The following PATJ variants were observed in gnomAD, a reference collection of about 807,000 sequenced individuals.
PATJ encodes PATJ crumbs cell polarity complex component, also known as inaD-like protein.
In PATJ, 190 loss-of-function variants were observed where a neutral mutation model predicts 224.9. The ratio of observed to expected loss-of-function variants is 0.84; its 90% confidence interval spans 0.75 to 0.95. The LOEUF (loss-of-function observed/expected upper bound fraction) is 0.95. Among genes scored for constraint, PATJ ranks in the 40% least tolerant of loss-of-function variants. The pLI is 0.00. For missense variants in PATJ, 2,121 were observed against 2,270.3 expected (o/e 0.93, Z 1.34); for synonymous variants, 769 against 820.3 (o/e 0.94, Z 1.07).
intron 8 of PATJ, among the ~76,000 whole-genome samples, chr1:61,789,944 A>C (rs745663035): frequency 1.3e-5 from 2 of 152,226 alleles, no homozygotes; most frequent in African/African-American, 4.8e-5. Context: ...GATCCAATCA[A>C]TTATTTACTT....
chr1:62,076,924 A>C (rs1469729052), intron 31 of PATJ, among the ~76,000 whole-genome samples: 1 of 152,210 alleles, frequency 6.6e-6, no homozygotes, highest in African/African-American at 2.4e-5. Flanking sequence ...TCTCTTTAGC[A>C]TAAGAGTCTG....
chr1:62,043,446 G>A (rs1422714237), intron 30 of PATJ, among the ~76,000 whole-genome samples: 11 of 152,028 alleles, frequency 7.2e-5, no homozygotes, highest in Admixed American at 7.2e-4. Context: ...CATTTAAAAT[G>A]GGTTTGATAA....
At chr1:62,066,722 C>T (rs913928807) in intron 31 of PATJ, among the ~76,000 whole-genome samples, 1 of 152,150 alleles carries the variant, frequency 6.6e-6, no homozygotes, top group African/African-American at 2.4e-5. Context: ...TTAATTGACG[C>T]AAGACCAGCC....
chr1:61,946,689 A>ACT (rs1678773729), intron 27 of PATJ, among the ~76,000 whole-genome samples: 1 of 152,200 alleles, frequency 6.6e-6, no homozygotes, highest in Non-Finnish European at 1.5e-5. Context: ...TCCATAGAAA[A>ACT]AGAGGGAATC....
At chr1:61,977,821 T>A (rs1158492926) in intron 27 of PATJ, among the ~76,000 whole-genome samples, 1 of 151,144 alleles carries the variant, frequency 6.6e-6, no homozygotes. Flanking sequence ...TGAGGCTTAG[T>A]ACACTATGAT....
chr1:61,923,211 C>A (rs959660581), intron 26 of PATJ, among the ~76,000 whole-genome samples: 4 of 152,188 alleles, frequency 2.6e-5, no homozygotes, highest in Admixed American at 6.5e-5. Context: ...ATCTTCATTA[C>A]AGATGGTCTT....
chr1:61,769,741 G>T (rs1009510942), intron 5 of PATJ, among the ~76,000 whole-genome samples: 4 of 152,154 alleles, frequency 2.6e-5, no homozygotes, highest in Admixed American at 2.0e-4. Flanking sequence ...TGCAAAGCTA[G>T]TGCGCTATTT....
At chr1:61,930,954 C>T (rs1282866200) in intron 27 of PATJ, among the ~76,000 whole-genome samples, 2 of 152,210 alleles carry the variant, frequency 1.3e-5, no homozygotes, top group Non-Finnish European at 2.9e-5. Context: ...CCGCCCGCCT[C>T]GACCTCCCAA....
At chr1:61,989,784 G>A (rs1644960269) in intron 27 of PATJ, among the ~76,000 whole-genome samples, 1 of 152,182 alleles carries the variant, frequency 6.6e-6, no homozygotes, top group Non-Finnish European at 1.5e-5. Context: ...GGTCTTATGG[G>A]TGAGTTAAAC....
At chr1:61,873,887 A>G (rs1666996564) in intron 20 of PATJ, among the ~76,000 whole-genome samples, 1 of 152,208 alleles carries the variant, frequency 6.6e-6, no homozygotes, top group Non-Finnish European at 1.5e-5. Context: ...TGGCCTCTTC[A>G]GCTGCTGTGG....
intron 18 of PATJ, among the ~76,000 whole-genome samples, chr1:61,860,213 A>G (rs72674681): frequency 0.014 from 2,067 of 152,112 alleles, 26 homozygotes; most frequent in Non-Finnish European, 0.019. Flanking sequence ...AATGAATGAA[A>G]TGACTTATTT....
intron 9 of PATJ, among the ~76,000 whole-genome samples, chr1:61,792,999 A>T (rs1436784687): frequency 6.6e-6 from 1 of 152,176 alleles, no homozygotes; most frequent in Non-Finnish European, 1.5e-5. Context: ...AGGGTAGAAA[A>T]ATGAATAAGA....
intron 31 of PATJ, among the ~76,000 whole-genome samples, chr1:62,057,579 A>G (rs576821464): frequency 6.6e-6 from 1 of 152,226 alleles, no homozygotes; most frequent in Admixed American, 6.5e-5. Context: ...GAAACAATAT[A>G]TATTCTCATG....
chr1:61,933,391 T>A (rs933442431), intron 27 of PATJ, among the ~76,000 whole-genome samples: 5 of 151,870 alleles, frequency 3.3e-5, no homozygotes, highest in Non-Finnish European at 7.4e-5. Context: ...ATACAAAAAA[T>A]TAGCTGGGCG....
intron 27 of PATJ, among the ~76,000 whole-genome samples, chr1:61,959,279 A>G (rs1680882653): frequency 6.6e-6 from 1 of 151,846 alleles, no homozygotes; most frequent in Non-Finnish European, 1.5e-5. Context: ...AATATGTATA[A>G]CATCTTATCT....
chr1:61,783,649 GT>G (rs1205374222), intron 7 of PATJ, among the ~76,000 whole-genome samples: 4 of 149,316 alleles, frequency 2.7e-5, no homozygotes, highest in Non-Finnish European at 5.9e-5. Context: ...ATTCCTATAG[GT>G]TTAAAATTTT....
chr1:61,945,675 A>T (rs1335681731), intron 27 of PATJ, among the ~76,000 whole-genome samples: 1 of 152,038 alleles, frequency 6.6e-6, no homozygotes, highest in Non-Finnish European at 1.5e-5. Context: ...AAAGTTAACA[A>T]GGATATCCAG....
intron 22 of PATJ, among the ~76,000 whole-genome samples, chr1:61,887,550 C>T (rs766424817): frequency 2.0e-5 from 3 of 152,052 alleles, no homozygotes; most frequent in East Asian, 1.9e-4. Flanking sequence ...TTTTCCAATG[C>T]CCCAGGGAGT....
In PATJ at chr1:62,143,168, G is replaced by A. The variant is rs139253944; in HGVS notation, c.5272-5116G>A. ...TGGAGGGATCAGATATTCAGAGAGC[G>A]ATCAGCTATATGGCTGGCATCCTAG... On this transcript the variant is annotated intron_variant, in intron 41 of 43. Transcript: ENST00000642238. Among the ~76,000 whole-genome samples the A allele has an allele frequency of 1.7e-3, 257 of 152,156 alleles. 1 individual carries two copies. The highest frequency in any genetic ancestry group is 5.6e-3 in the African/African-American group (232 of 41,528).
Sources: gnomAD v4.1 joint callset for allele counts (sites outside exome capture counted in the v4.1 genomes callset) on GRCh38, gnomAD v4.1.1 for gene constraint, MANE v1.5 for transcripts, NCBI Gene and HGNC (gene_info 2026-07-23, HGNC 2026-07-21) for gene names.